ST8SIA1: variants seen among roughly 807,000 people sequenced by gnomAD.
ST8SIA1 encodes the protein alpha-N-acetylneuraminide alpha-2,8-sialyltransferase.
Under a neutral mutation model 35.9 loss-of-function variants are expected in ST8SIA1, and 16 were observed. That is an observed-to-expected ratio of 0.45 (90% CI 0.30 to 0.68). ST8SIA1 has a LOEUF of 0.68. ST8SIA1 is among the 30% of genes least tolerant of loss of function. The probability of loss-of-function intolerance (pLI) is 0.09; values close to 1 mark genes in which losing one functional copy is unlikely to be tolerated. For missense variants in ST8SIA1, 383 were observed against 453.6 expected (o/e 0.84, Z 1.41); for synonymous variants, 170 against 169.6 (o/e 1.00, Z -0.02).
intron 1 of ST8SIA1, among the ~76,000 whole-genome samples, chr12:22,298,806 G>A (rs571826201): frequency 8.8e-4 from 134 of 152,242 alleles, no homozygotes; most frequent in Non-Finnish European, 1.0e-3. Flanking sequence ...ACTTAATATT[G>A]TTTTGTGAAT....
intron 1 of ST8SIA1, among the ~76,000 whole-genome samples, chr12:22,321,022 GAA>G (rs371673041): frequency 0.018 from 1,624 of 89,308 alleles, 20 homozygotes; most frequent in East Asian, 0.047. Context: ...AAGAAAGAAA[GAA>G]AGAAAGAAAG....
intron 2 of ST8SIA1, among the ~76,000 whole-genome samples, chr12:22,285,802 G>A (rs1296837973): frequency 2.0e-5 from 3 of 148,226 alleles, no homozygotes; most frequent in Admixed American, 1.4e-4. Flanking sequence ...CCTGAAAGGT[G>A]GAGGTTGCAG....
At chr12:22,266,916 C>T (rs12297315) in intron 2 of ST8SIA1, among the ~76,000 whole-genome samples, 39,685 of 151,782 alleles carry the variant, frequency 0.26, 5,362 homozygotes, top group Middle Eastern at 0.38. Flanking sequence ...AAAGTGGGCA[C>T]CCTTCCCCAA....
chr12:22,239,248 A>T (rs1050907121), intron 4 of ST8SIA1, among the ~76,000 whole-genome samples: 1 of 152,028 alleles, frequency 6.6e-6, no homozygotes, highest in African/African-American at 2.4e-5. Flanking sequence ...ATTACTTTTT[A>T]CTTATGGATC....
At chr12:22,328,469 C>T (rs1291836307) in intron 1 of ST8SIA1, among the ~76,000 whole-genome samples, 1 of 152,110 alleles carries the variant, frequency 6.6e-6, no homozygotes, top group Non-Finnish European at 1.5e-5. Flanking sequence ...CACTAATGCA[C>T]CTGTCGCTAC....
chr12:22,198,937 A>C lies in ST8SIA1; in HGVS notation c.*2615T>G, dbSNP rs1865019765. On this transcript the variant is annotated 3_prime_UTR_variant, in exon 5 of 5. Coordinates refer to ENST00000396037, the MANE Select transcript of ST8SIA1 (RefSeq NM_003034.4). ...TGTCTCTGGTCTCCAGACATTGCCA[A>C]ATGTCACCAGAGAGGGATAATGAAT... 1 of 152,128 alleles carries C rather than the reference A, an allele frequency of 6.6e-6. No homozygotes were observed. The highest frequency in any genetic ancestry group is 1.5e-5 in the Non-Finnish European group (1 of 68,014). The allele number at this position is 152,128 out of a possible 1,614,324, so 9.4% of individuals were successfully genotyped here. A position where few individuals can be genotyped will look rare whatever the true frequency, so the allele number is the denominator to read the frequency against.
At chr12:22,237,758 GT>G (rs1043638787) in intron 4 of ST8SIA1, among the ~76,000 whole-genome samples, 1 of 150,890 alleles carries the variant, frequency 6.6e-6, no homozygotes, top group Admixed American at 6.6e-5. Flanking sequence ...GTTTTTTCTT[GT>G]TTTTTTAGTA....
chr12:22,274,181 C>T (rs1456095887), intron 2 of ST8SIA1, among the ~76,000 whole-genome samples: 4 of 152,148 alleles, frequency 2.6e-5, no homozygotes, highest in Non-Finnish European at 5.9e-5. Flanking sequence ...ATGCTGGAGC[C>T]ACAGGAAGAG....
intron 2 of ST8SIA1, among the ~76,000 whole-genome samples, chr12:22,274,197 G>A (rs1193847922): frequency 6.6e-6 from 1 of 152,206 alleles, no homozygotes; most frequent in African/African-American, 2.4e-5. Flanking sequence ...AAGAGATCAA[G>A]CCTTAAGGGG....
At position 22,334,400 on chromosome 12, in the gene ST8SIA1, C is replaced by T. The variant is rs1866819754; in HGVS notation, c.-168G>A. On this transcript the variant is annotated 5_prime_UTR_variant, in exon 1 of 5. Transcript: ENST00000396037. ...GCCCCGTCGGCCCCAAAGGTCAGCG[C>T]AAGGATTTTTTCAAATGCAACTTTT... is the stretch of plus-strand genomic sequence containing the variant. 2.0e-5 allele frequency: 12 copies of T among 610,650 alleles called. 3 individuals are homozygous for T. The South Asian group carries it at 2.4e-4, about 12-fold the overall frequency. 37.8% of individuals were successfully genotyped at this position (610,650 alleles called of 1,614,324 possible).
Position 22,328,559 on chromosome 12 carries a change from C to T in ST8SIA1, c.236+5438G>A, listed in dbSNP as rs368924725. Among the ~76,000 whole-genome samples the T allele has an allele frequency of 9.2e-4, 140 of 152,240 alleles. 1 individual carries two copies. The highest frequency in any genetic ancestry group is 3.2e-3 in the African/African-American group (131 of 41,544). Reference sequence around the variant, plus strand: ...ATTCCAAGAAAACAAAAATTTTATTCAGTTCACAGCTACAGACCCAGCATC... The same window carrying T: ...ATTCCAAGAAAACAAAAATTTTATTTAGTTCACAGCTACAGACCCAGCATC... On this transcript the variant is annotated intron_variant, in intron 1 of 4. Coordinates refer to ENST00000396037, the MANE Select transcript of ST8SIA1 (RefSeq NM_003034.4).
At chr12:22,216,793 A>AT (rs1200578155) in intron 4 of ST8SIA1, among the ~76,000 whole-genome samples, 1 of 152,228 alleles carries the variant, frequency 6.6e-6, no homozygotes, top group Non-Finnish European at 1.5e-5. Flanking sequence ...ATTTCTAAGC[A>AT]TTTTTGTATC....
intron 1 of ST8SIA1, among the ~76,000 whole-genome samples, chr12:22,320,860 A>AAAAG (rs370062520): frequency 3.1e-4 from 46 of 150,318 alleles, no homozygotes; most frequent in Middle Eastern, 3.4e-3. Context: ...AGAGAAGAAA[A>AAAAG]AAAGAAAGAA....
At chr12:22,273,263 C>A (rs933937066) in intron 2 of ST8SIA1, among the ~76,000 whole-genome samples, 4 of 152,202 alleles carry the variant, frequency 2.6e-5, no homozygotes, top group Non-Finnish European at 2.9e-5. Context: ...TTGATCCCCA[C>A]CGTTCACCTA....
chr12:22,194,147 C>T lies in ST8SIA1; in HGVS notation c.*7405G>A, dbSNP rs1288134142. 2 of 152,182 alleles carry T rather than the reference C, an allele frequency of 1.3e-5. No individual in the cohort carries two copies. Among genetic ancestry groups the T allele is most frequent in the Non-Finnish European group, 2.9e-5 (2 of 68,030 alleles). The allele number at this position is 152,182 out of a possible 1,614,324, so 9.4% of individuals were successfully genotyped here. ...ATGATGTACCCTAGTGGCCATCAGA[C>T]ATCCTAAATTGTGAGTCCTGTATAT... On this transcript the variant is annotated 3_prime_UTR_variant, in exon 5 of 5. Transcript: ENST00000396037.
At chr12:22,208,638 A>G (rs576770277) in intron 4 of ST8SIA1, among the ~76,000 whole-genome samples, 1 of 152,326 alleles carries the variant, frequency 6.6e-6, no homozygotes, top group South Asian at 2.1e-4. Context: ...AATTCTAAAC[A>G]TCATATGAGA....
chr12:22,270,081 T>G (rs1269024815), intron 2 of ST8SIA1, among the ~76,000 whole-genome samples: 2 of 152,188 alleles, frequency 1.3e-5, no homozygotes, highest in Non-Finnish European at 2.9e-5. Context: ...TGTAGCATAT[T>G]ACCTAATTTG....
chr12:22,268,430 T>C (rs36114533), intron 2 of ST8SIA1: 16,587 of 152,240 alleles, frequency 0.11, 1,157 homozygotes, highest in Middle Eastern at 0.24. Context: ...CATGGCCAAA[T>C]GTATTAGTCT....
intron 3 of ST8SIA1, among the ~76,000 whole-genome samples, chr12:22,249,957 T>A (rs776450472): frequency 6.6e-6 from 1 of 152,164 alleles, no homozygotes; most frequent in African/African-American, 2.4e-5. Context: ...GTCTGACTTG[T>A]GTGTGTGTGG....
Sources: allele counts gnomAD v4.1 joint callset (sites outside exome capture counted in the v4.1 genomes callset), GRCh38; gene constraint gnomAD v4.1.1; transcripts MANE v1.5; gene names NCBI Gene and HGNC (gene_info 2026-07-23, HGNC 2026-07-21).